The following CCDC102B variants were observed in gnomAD, a reference collection of about 807,000 sequenced individuals.
CCDC102B encodes coiled-coil domain containing 102B.
Under a neutral mutation model 57.4 loss-of-function variants are expected in CCDC102B, and 75 were observed. That is an observed-to-expected ratio of 1.31 (90% confidence interval 1.08 to 1.58). The LOEUF (loss-of-function observed/expected upper bound fraction) is 1.58. Ranked by LOEUF, CCDC102B falls within the 40% of genes most tolerant of loss-of-function variation. The probability of loss-of-function intolerance (pLI) is 0.00; values close to 1 mark genes in which losing one functional copy is unlikely to be tolerated. For synonymous variants in CCDC102B, 206 were observed against 201.9 expected, an observed-to-expected ratio of 1.02 and a Z score of -0.17; for missense variants, 636 against 582.6, an observed-to-expected ratio of 1.09 and a Z score of -0.94.
intron 6 of CCDC102B, among the ~76,000 whole-genome samples, chr18:68,964,982 G>A (rs979997874): frequency 6.6e-6 from 1 of 151,886 alleles, no homozygotes; most frequent in Non-Finnish European, 1.5e-5. Flanking sequence ...ATAGGTAAAG[G>A]GTTATTTTCT....
In CCDC102B at chr18:68,969,366, GA is replaced by G. The variant is rs545934862; in HGVS notation, c.1264-41565del. ...TCCTAATTCCTATGTGCTCTGCAAT[GA>G]AATGGTACTTATGCAGTTTTCTGAA... On this transcript the variant is annotated intron_variant, in intron 6 of 7. Coordinates refer to ENST00000360242, the MANE Select transcript of CCDC102B (RefSeq NM_024781.3). 2.1e-3 allele frequency among the ~76,000 whole-genome samples: 326 copies of G among 152,266 alleles called. 1 individual carries two copies. The highest frequency in any genetic ancestry group is 3.7e-3 in the South Asian group (18 of 4,830).
chr18:68,960,328 A>T (rs2050015442), intron 6 of CCDC102B, among the ~76,000 whole-genome samples: 2 of 144,006 alleles, frequency 1.4e-5, no homozygotes, highest in Non-Finnish European at 3.0e-5. Flanking sequence ...TCCAGAAGGT[A>T]AGGCCTGTAT....
chr18:68,755,558 G>C lies in CCDC102B; in HGVS notation c.-67+38964G>C, dbSNP rs181538736. On this transcript the variant is annotated intron_variant, in intron 2 of 3. Coordinates refer to the CCDC102B transcript ENST00000578970. ...TTTATAAAAGCTGCAATGTAAAGTA[G>C]AAATATAAAATCACAAATATTTCTA... 3.5e-3 allele frequency among the ~76,000 whole-genome samples: 534 copies of C among 152,086 alleles called. 1 individual carries two copies. Among genetic ancestry groups the C allele is most frequent in the African/African-American group, 0.012 (514 of 41,518 alleles).
intron 7 of CCDC102B, among the ~76,000 whole-genome samples, chr18:69,045,079 C>T (rs1010309313): frequency 1.3e-5 from 2 of 152,024 alleles, no homozygotes; most frequent in African/African-American, 4.8e-5. Flanking sequence ...AGTAGGGCCC[C>T]ACTCTTACAA....
intron 1 of CCDC102B, among the ~76,000 whole-genome samples, chr18:68,815,196 G>C (rs760603096): frequency 5.3e-5 from 8 of 152,052 alleles, no homozygotes; most frequent in Non-Finnish European, 1.0e-4. Flanking sequence ...ACAAGTAACT[G>C]ATCACTTTCA....
chr18:69,007,859 T>TTTCC (rs1370724623), intron 6 of CCDC102B, among the ~76,000 whole-genome samples: 2 of 152,222 alleles, frequency 1.3e-5, no homozygotes, highest in Non-Finnish European at 2.9e-5. Flanking sequence ...CAAAGATGTC[T>TTTCC]TTCCTTCCTT....
chr18:68,825,878 A>G (rs1459785263), intron 1 of CCDC102B, among the ~76,000 whole-genome samples: 2 of 152,136 alleles, frequency 1.3e-5, no homozygotes, highest in Non-Finnish European at 2.9e-5. Flanking sequence ...CTTGAAAAGC[A>G]CTTTAGGAAA....
chr18:68,751,119 GAT>G (rs1392810695), intron 2 of CCDC102B, among the ~76,000 whole-genome samples: 4 of 152,006 alleles, frequency 2.6e-5, no homozygotes. Context: ...ATATAGAGAA[GAT>G]AGAAGATGTT....
chr18:68,994,337 C>T (rs1025223175), intron 6 of CCDC102B, among the ~76,000 whole-genome samples: 34 of 151,948 alleles, frequency 2.2e-4, no homozygotes, highest in African/African-American at 7.7e-4. Context: ...TTGGTATATT[C>T]ATTGTATGGT....
chr18:68,901,092 G>T (rs2040434465), intron 6 of CCDC102B, among the ~76,000 whole-genome samples: 1 of 152,112 alleles, frequency 6.6e-6, no homozygotes, highest in African/African-American at 2.4e-5. Flanking sequence ...TCTTACCCGA[G>T]GAATGTGTTA....
At chr18:68,727,449 A>T (rs1005598234) in intron 2 of CCDC102B, among the ~76,000 whole-genome samples, 1 of 152,238 alleles carries the variant, frequency 6.6e-6, no homozygotes, top group Non-Finnish European at 1.5e-5. Context: ...GAGTAATGTC[A>T]ATAAAGCATC....
intron 5 of CCDC102B, among the ~76,000 whole-genome samples, chr18:68,891,614 G>A (rs567210912): frequency 2.0e-5 from 3 of 152,292 alleles, no homozygotes; most frequent in South Asian, 4.1e-4. Context: ...TCTGGAGGAT[G>A]GAAGTCCATG....
intron 6 of CCDC102B, among the ~76,000 whole-genome samples, chr18:68,924,718 T>C (rs1163665422): frequency 6.6e-6 from 1 of 152,068 alleles, no homozygotes; most frequent in Non-Finnish European, 1.5e-5. Flanking sequence ...AATTGTTCCC[T>C]GACATGGACT....
intron 2 of CCDC102B, among the ~76,000 whole-genome samples, chr18:68,758,008 C>A (rs964486586): frequency 6.6e-6 from 1 of 152,034 alleles, no homozygotes; most frequent in Admixed American, 6.6e-5. Context: ...AGCCTTTTCA[C>A]CTCTTCTTGG....
intron 6 of CCDC102B, among the ~76,000 whole-genome samples, chr18:68,952,932 G>A (rs1025835022): frequency 6.6e-6 from 1 of 151,980 alleles, no homozygotes; most frequent in Admixed American, 6.6e-5. Flanking sequence ...CACACATGGG[G>A]GGTAGTGTAC....
intron 6 of CCDC102B, among the ~76,000 whole-genome samples, chr18:68,921,458 A>G (rs972226127): frequency 2.0e-5 from 3 of 152,188 alleles, no homozygotes; most frequent in African/African-American, 7.2e-5. Flanking sequence ...CTTATATGTC[A>G]AAAAGAGTTT....
At chr18:69,011,663 A>G (rs2051521795) in intron 7 of CCDC102B, among the ~76,000 whole-genome samples, 1 of 151,860 alleles carries the variant, frequency 6.6e-6, no homozygotes. Flanking sequence ...GCAGTTACAA[A>G]CAAAGTTGTT....
intron 6 of CCDC102B, among the ~76,000 whole-genome samples, chr18:68,920,552 T>C (rs2145106219): frequency 6.6e-6 from 1 of 152,044 alleles, no homozygotes; most frequent in South Asian, 2.1e-4. Flanking sequence ...GGCCTCAGAA[T>C]CATGGTGAGA....
chr18:68,941,415 C>T (rs2049377726), intron 6 of CCDC102B, among the ~76,000 whole-genome samples: 2 of 151,898 alleles, frequency 1.3e-5, no homozygotes. Context: ...AAAGCTAGGT[C>T]TAAATTTATT....
Sources: gnomAD v4.1 joint callset for allele counts (sites outside exome capture counted in the v4.1 genomes callset) on GRCh38, gnomAD v4.1.1 for gene constraint, MANE v1.5 for transcripts, NCBI Gene and HGNC (gene_info 2026-07-23, HGNC 2026-07-21) for gene names.